NXPH2: variants seen among roughly 807,000 people sequenced by gnomAD.
The protein encoded by NXPH2 is neurexophilin-2.
In NXPH2, 5 loss-of-function variants were observed where a neutral mutation model predicts 19.8. The ratio of observed to expected loss-of-function variants is 0.25; its 90% CI spans 0.13 to 0.53. The LOEUF is 0.53. Ranked by LOEUF, NXPH2 falls within the 20% of genes least tolerant of loss-of-function variation. The pLI is 0.96. For missense variants in NXPH2, 289 were observed against 322.8 expected (o/e 0.90, Z 0.80); for synonymous variants, 154 against 127.4 (o/e 1.21, Z -1.41).
intron 1 of NXPH2, among the ~76,000 whole-genome samples, chr2:138,779,895 T>C (rs1283696544): frequency 6.6e-6 from 1 of 152,174 alleles, no homozygotes; most frequent in East Asian, 1.9e-4. Context: ...TGACCGCTTA[T>C]CAATAAACCG....
intron 1 of NXPH2, among the ~76,000 whole-genome samples, chr2:138,767,407 G>T (rs1682108082): frequency 6.6e-6 from 1 of 152,226 alleles, no homozygotes; most frequent in African/African-American, 2.4e-5. Context: ...TTCCCCAAAT[G>T]GAGAGAGCAG....
chr2:138,766,218 A>G (rs1682089376), intron 1 of NXPH2, among the ~76,000 whole-genome samples: 1 of 152,224 alleles, frequency 6.6e-6, no homozygotes. Flanking sequence ...CTGAATTAGA[A>G]GAACTAAAAT....
chr2:138,735,860 G>C (rs1681530565), intron 1 of NXPH2, among the ~76,000 whole-genome samples: 1 of 152,226 alleles, frequency 6.6e-6, no homozygotes, highest in Admixed American at 6.5e-5. Flanking sequence ...TTCCAAATGG[G>C]AGAAATTGAC....
At chr2:138,720,497 T>C (rs1681262631) in intron 1 of NXPH2, among the ~76,000 whole-genome samples, 1 of 152,228 alleles carries the variant, frequency 6.6e-6, no homozygotes, top group Admixed American at 6.5e-5. Context: ...GCCCCAGGAC[T>C]GTTGGTGTGA....
chr2:138,688,421 A>G (rs1013575150), intron 1 of NXPH2, among the ~76,000 whole-genome samples: 1 of 152,134 alleles, frequency 6.6e-6, no homozygotes, highest in Non-Finnish European at 1.5e-5. Context: ...AGCTCAAGCA[A>G]TCCACCTGCC....
chr2:138,728,159 T>G (rs992789895), intron 1 of NXPH2, among the ~76,000 whole-genome samples: 391 of 146,448 alleles, frequency 2.7e-3, no homozygotes, highest in Admixed American at 4.2e-3. Context: ...GAGTGCGCTC[T>G]CTCTCTCTCT....
At chr2:138,675,955 ATGTGTGTGTGTGTG>A (rs61124904) in intron 1 of NXPH2, among the ~76,000 whole-genome samples, 28 of 150,322 alleles carry the variant, frequency 1.9e-4, no homozygotes, top group Admixed American at 8.6e-4. Flanking sequence ...ATATATACAT[ATGTGTGTGTGTGTG>A]TGTGTGTGTG....
intron 1 of NXPH2, among the ~76,000 whole-genome samples, chr2:138,727,848 G>C (rs918547221): frequency 5.3e-5 from 8 of 152,050 alleles, no homozygotes; most frequent in Non-Finnish European, 1.2e-4. Flanking sequence ...ATTTTCCTGA[G>C]TGTGTGTACC....
chr2:138,679,923 G>A (rs1680547003), intron 1 of NXPH2, among the ~76,000 whole-genome samples: 1 of 152,072 alleles, frequency 6.6e-6, no homozygotes, highest in Non-Finnish European at 1.5e-5. Context: ...TCATTGGACT[G>A]AGAAGAAAAA....
In NXPH2 at chr2:138,686,456, T is replaced by G. The variant is rs1038059945; in HGVS notation, c.52-14791A>C. On this transcript the variant is annotated intron_variant, in intron 1 of 1. Coordinates refer to ENST00000272641, the MANE Select transcript of NXPH2 (RefSeq NM_007226.3). ...AAATTTTCTAAAATGCAAATTTAGC[T>G]GTGAGATGTCTTTTTTTTTGTCTTT... Among the ~76,000 whole-genome samples the G allele has an allele frequency of 2.6e-5, 4 of 152,340 alleles. No individual in the cohort carries two copies. In the East Asian group the frequency reaches 7.7e-4, roughly 29 times the overall value.
chr2:138,684,638 C>G (rs1042588888), intron 1 of NXPH2, among the ~76,000 whole-genome samples: 2 of 152,154 alleles, frequency 1.3e-5, no homozygotes, highest in African/African-American at 2.4e-5. Flanking sequence ...TTTATCTAGA[C>G]CTCCCTAAAT....
chr2:138,749,067 A>C (rs954005638), intron 1 of NXPH2, among the ~76,000 whole-genome samples: 1 of 152,140 alleles, frequency 6.6e-6, no homozygotes, highest in African/African-American at 2.4e-5. Context: ...TTGAATTTTA[A>C]TCCTCAGATG....
intron 1 of NXPH2, among the ~76,000 whole-genome samples, chr2:138,718,736 C>G (rs1558921210): frequency 6.6e-6 from 1 of 152,260 alleles, no homozygotes; most frequent in East Asian, 1.9e-4. Flanking sequence ...TCTATAAATC[C>G]AATAGCATAA....
At position 138,741,941 on chromosome 2, in the gene NXPH2, T is replaced by A. The variant is rs184989317; in HGVS notation, c.51+38250A>T. On this transcript the variant is annotated intron_variant, in intron 1 of 1. Transcript: ENST00000272641. ...GCATGGCAAAATGCACTATTGCTAA[T>A]TCACAGTTACAACTTCCACAAAATT... Among the ~76,000 whole-genome samples the A allele has an allele frequency of 1.8e-3, 267 of 152,334 alleles. 3 individuals carry two copies. The highest frequency in any genetic ancestry group is 6.2e-3 in the African/African-American group (258 of 41,564).
At chr2:138,776,384 T>G (rs1037295223) in intron 1 of NXPH2, among the ~76,000 whole-genome samples, 1 of 152,038 alleles carries the variant, frequency 6.6e-6, no homozygotes, top group Non-Finnish European at 1.5e-5. Context: ...TAAAATAATT[T>G]CCCAAGCAGT....
intron 1 of NXPH2, among the ~76,000 whole-genome samples, chr2:138,697,187 C>G (rs7601076): frequency 0.097 from 14,817 of 152,048 alleles, 1,106 homozygotes; most frequent in African/African-American, 0.2. Context: ...GTGTTGACTG[C>G]AAAGGGACTT....
In NXPH2 at chr2:138,748,107, A is replaced by G. The variant is rs141123215; in HGVS notation, c.51+32084T>C. ...CCAGGGTAAATTACTTCATGTATTC[A>G]TTTATCCAGTGTTTCACGATGTTGT... On this transcript the variant is annotated intron_variant, in intron 1 of 1. Transcript: ENST00000272641. 3.9e-3 allele frequency among the ~76,000 whole-genome samples: 596 copies of G among 152,256 alleles called. 2 individuals are homozygous for G. The highest frequency in any genetic ancestry group is 0.013 in the African/African-American group (560 of 41,556).
At chr2:138,752,333 T>A (rs188796399) in intron 1 of NXPH2, among the ~76,000 whole-genome samples, 1 of 152,220 alleles carries the variant, frequency 6.6e-6, no homozygotes, top group African/African-American at 2.4e-5. Context: ...GGCACAAAAT[T>A]AACAACGGAG....
At chr2:138,758,702 G>C (rs1337572463) in intron 1 of NXPH2, among the ~76,000 whole-genome samples, 1 of 152,156 alleles carries the variant, frequency 6.6e-6, no homozygotes, top group Non-Finnish European at 1.5e-5. Context: ...ATTAGAGACT[G>C]TGGCCTGGTG....
Sources: allele counts gnomAD v4.1 joint callset (sites outside exome capture counted in the v4.1 genomes callset), GRCh38; gene constraint gnomAD v4.1.1; transcripts MANE v1.5; gene names NCBI Gene and HGNC (gene_info 2026-07-23, HGNC 2026-07-21).